The following PTCHD4 variants were observed in gnomAD, a reference collection of about 807,000 sequenced individuals.
The protein encoded by PTCHD4 is patched domain containing 4.
PTCHD4 carries 33 observed loss-of-function variants against 58.1 expected under a neutral mutation model. The observed-to-expected ratio is 0.57, with a 90% confidence interval of 0.43 to 0.76. The LOEUF (loss-of-function observed/expected upper bound fraction) is 0.76, where lower values mean the gene tolerates loss of function less well. PTCHD4 is among the 30% of genes least tolerant of loss of function. The pLI, the probability that PTCHD4 is intolerant of heterozygous loss-of-function variation, is 0.00. For missense variants in PTCHD4, 1,058 were observed against 1,027.1 expected (o/e 1.03, Z -0.41); for synonymous variants, 478 against 409.6 (o/e 1.17, Z -2.02).
At chr6:48,032,423 C>T (rs1251366463) in intron 3 of PTCHD4, among the ~76,000 whole-genome samples, 2 of 151,036 alleles carry the variant, frequency 1.3e-5, no homozygotes, top group Non-Finnish European at 3.0e-5. Flanking sequence ...TCTGTGTATG[C>T]GTGTGTGTGT....
chr6:48,073,303 C>T (rs1334944856), intron 1 of PTCHD4, among the ~76,000 whole-genome samples: 1 of 152,164 alleles, frequency 6.6e-6, no homozygotes. Context: ...CAGGATGAGA[C>T]ACCAGAGAAA....
At position 47,971,983 on chromosome 6, in the gene PTCHD4, A is replaced by T. The variant is rs543592532; in HGVS notation, c.898+36651T>A. On this transcript the variant is annotated intron_variant, in intron 4 of 4. Coordinates refer to ENST00000339488, the MANE Select transcript of PTCHD4 (RefSeq NM_001384253.1). ...TTATTAACAGAAAAGCAAGACAATT[A>T]CTAACTTAAGAAAATAAGCTGAGTA... Among the ~76,000 whole-genome samples, 8 of 152,350 alleles carry T rather than the reference A, an allele frequency of 5.3e-5. No individual in the cohort carries two copies. In the South Asian group the frequency reaches 1.4e-3, roughly 28 times the overall value.
At chr6:48,060,260 G>A (rs1764574004) in intron 3 of PTCHD4, among the ~76,000 whole-genome samples, 1 of 152,198 alleles carries the variant, frequency 6.6e-6, no homozygotes. Flanking sequence ...AACTGAACAT[G>A]CTCACTCTCC....
At chr6:47,993,014 G>A (rs369975762) in intron 4 of PTCHD4, among the ~76,000 whole-genome samples, 1 of 152,314 alleles carries the variant, frequency 6.6e-6, no homozygotes, top group African/African-American at 2.4e-5. Flanking sequence ...GCAGTATAAT[G>A]TGCCAGGAAT....
At chr6:48,025,802 A>T (rs1376768622) in intron 3 of PTCHD4, among the ~76,000 whole-genome samples, 3 of 152,208 alleles carry the variant, frequency 2.0e-5, no homozygotes, top group Non-Finnish European at 4.4e-5. Flanking sequence ...ACACTTTCTC[A>T]GAACTGGAGC....
chr6:47,891,508 G>A (rs1314205579), intron 4 of PTCHD4, among the ~76,000 whole-genome samples: 3 of 151,972 alleles, frequency 2.0e-5, no homozygotes, highest in African/African-American at 7.2e-5. Flanking sequence ...CCTTTCAAAA[G>A]TGGTAGTGGT....
intron 4 of PTCHD4, among the ~76,000 whole-genome samples, chr6:47,963,119 A>G (rs1445203652): frequency 1.3e-5 from 2 of 151,924 alleles, no homozygotes; most frequent in Non-Finnish European, 2.9e-5. Context: ...ACAGAGCAAG[A>G]CTCCATCTCA....
intron 1 of PTCHD4, among the ~76,000 whole-genome samples, chr6:48,105,717 A>G (rs1765704137): frequency 1.3e-5 from 2 of 152,204 alleles, no homozygotes; most frequent in South Asian, 2.1e-4. Context: ...ACTAATAAAG[A>G]AGAAAAGAGA....
At chr6:47,981,203 A>T (rs915857638) in intron 4 of PTCHD4, among the ~76,000 whole-genome samples, 1 of 152,064 alleles carries the variant, frequency 6.6e-6, no homozygotes, top group Non-Finnish European at 1.5e-5. Flanking sequence ...TCTCCATCTT[A>T]ATCATCTCTT....
intron 4 of PTCHD4, among the ~76,000 whole-genome samples, chr6:47,991,464 A>T (rs1295205800): frequency 1.3e-5 from 2 of 152,144 alleles, no homozygotes; most frequent in Non-Finnish European, 2.9e-5. Context: ...ATTTCTAGAG[A>T]ACTAAATAAT....
intron 1 of PTCHD4, among the ~76,000 whole-genome samples, chr6:48,070,328 A>G (rs1188388610): frequency 6.6e-6 from 1 of 152,140 alleles, no homozygotes; most frequent in Non-Finnish European, 1.5e-5. Flanking sequence ...TTTTAATTAG[A>G]TACTTAGAAA....
Position 47,879,063 on chromosome 6 carries a change from A to G in PTCHD4, c.1772T>C (p.Phe591Ser). Residue 591 changes from phenylalanine (F) to serine (S), a missense_variant, in exon 5 of 5, where the codon TTC (phenylalanine) becomes TCC (serine). Transcript: ENST00000339488. ...ATTGCTTTCATCCCCTGCCTTGGAG[A>G]AGATGATATCATTTCGAAAATGCTG... ...EFQHFRNDII[F>S]SKAGDESNII... 6.2e-7 allele frequency: 1 copy of G among 1,613,494 alleles called. No individual in the cohort carries two copies. The highest frequency in any genetic ancestry group is 8.5e-7 in the Non-Finnish European group (1 of 1,179,744).
intron 4 of PTCHD4, among the ~76,000 whole-genome samples, chr6:47,923,121 C>A (rs186038664): frequency 6.6e-6 from 1 of 152,242 alleles, no homozygotes; most frequent in Non-Finnish European, 1.5e-5. Flanking sequence ...CTGGAAAATT[C>A]ATCAGATATA....
At chr6:48,020,082 A>T (rs1489153882) in intron 3 of PTCHD4, among the ~76,000 whole-genome samples, 1 of 152,144 alleles carries the variant, frequency 6.6e-6, no homozygotes. Flanking sequence ...AGAGATGGAC[A>T]CTGGCAGTGA....
intron 4 of PTCHD4, among the ~76,000 whole-genome samples, chr6:47,979,432 T>C (rs1767802671): frequency 6.6e-6 from 1 of 152,048 alleles, no homozygotes. Flanking sequence ...AAAAATAAGA[T>C]GGTTGATCAA....
At chr6:47,951,289 C>T (rs1165717495) in intron 4 of PTCHD4, among the ~76,000 whole-genome samples, 1 of 152,122 alleles carries the variant, frequency 6.6e-6, no homozygotes, top group East Asian at 1.9e-4. Context: ...CTTTATCACT[C>T]CTAGCCCAAA....
rs1399435444 is a variant in PTCHD4, at chr6:47,871,027, C to T, written c.*7276G>A. Reference sequence around the variant, plus strand: ...AGTTTCATAATTTCATACATTTAGTCACCCTTCTTTGCTGTAGAAACTGGT... The same window carrying T: ...AGTTTCATAATTTCATACATTTAGTTACCCTTCTTTGCTGTAGAAACTGGT... On this transcript the variant is annotated 3_prime_UTR_variant, in exon 5 of 5. Coordinates refer to ENST00000339488, the MANE Select transcript of PTCHD4 (RefSeq NM_001384253.1). 6.6e-6 allele frequency among the ~76,000 whole-genome samples: 1 copy of T among 151,572 alleles called. No homozygotes were observed. Among genetic ancestry groups the T allele is most frequent in the Non-Finnish European group, 1.5e-5 (1 of 67,674 alleles).
At chr6:48,009,970 C>T (rs1244251956) in intron 3 of PTCHD4, among the ~76,000 whole-genome samples, 2 of 152,090 alleles carry the variant, frequency 1.3e-5, no homozygotes, top group Admixed American at 6.5e-5. Flanking sequence ...TGTATGTGGC[C>T]GAAGAGTTAC....
intron 4 of PTCHD4, among the ~76,000 whole-genome samples, chr6:47,888,399 G>GA (rs1261826449): frequency 6.6e-6 from 1 of 152,118 alleles, no homozygotes; most frequent in Non-Finnish European, 1.5e-5. Context: ...ATATTGCAAA[G>GA]AAAAGAGGAA....
Sources: allele counts gnomAD v4.1 joint callset (sites outside exome capture counted in the v4.1 genomes callset), GRCh38; gene constraint gnomAD v4.1.1; transcripts MANE v1.5; gene names NCBI Gene and HGNC (gene_info 2026-07-23, HGNC 2026-07-21).